The following SLCO4A1 variants were observed in gnomAD, a reference collection of about 807,000 sequenced individuals.
SLCO4A1 encodes solute carrier organic anion transporter family member 4A1, also known as colon organic anion transporter.
SLCO4A1 carries 51 observed loss-of-function variants against 64.6 expected under a neutral mutation model. The observed-to-expected ratio is 0.79, with a 90% confidence interval of 0.63 to 1.00. The LOEUF is 1.00. Ranked by LOEUF, SLCO4A1 falls within the 50% of genes least tolerant of loss-of-function variation. The pLI, the probability that SLCO4A1 is intolerant of heterozygous loss-of-function variation, is 0.00. For missense variants in SLCO4A1, 919 were observed against 980.5 expected (o/e 0.94, Z 0.84); for synonymous variants, 471 against 444.9 (o/e 1.06, Z -0.74).
At chr20:62,666,702 G>A (rs1986413237) in intron 7 of SLCO4A1, 127 bp downstream of exon 7, 1 of 835,516 alleles carries the variant, frequency 1.2e-6, no homozygotes, top group East Asian at 2.5e-5. Flanking sequence ...CAGGACAGCG[G>A]CAAGGGCAAC....
intron 1 of SLCO4A1, among the ~76,000 whole-genome samples, chr20:62,655,253 TGGGGGCGGCACAGG>T (rs1569125391): frequency 8.9e-5 from 12 of 134,600 alleles, no homozygotes; most frequent in African/African-American, 3.6e-4. Flanking sequence ...CCTCCCAGGG[TGGGGGCGGCACAGG>T]TGTTCTGTAT....
At position 62,685,557 on chromosome 20, in the gene SLCO4A1, C is replaced by T. The variant is rs938419949; in HGVS notation, n.328C>T. 3.0e-5 allele frequency: 17 copies of T among 574,146 alleles called. No individual in the cohort carries two copies. Among genetic ancestry groups the T allele is most frequent in the Admixed American group, 6.3e-5 (1 of 15,774 alleles). The allele number at this position is 574,146 out of a possible 1,614,324, so 35.6% of individuals were successfully genotyped here. ...ATGTGGAGTCTCGGCTTTCTGACAA[C>T]GTCTTCCAGAGCAGGCTTTCTCTAG... On this transcript the variant is annotated non_coding_transcript_exon_variant, in exon 3 of 3. Coordinates refer to the SLCO4A1 transcript ENST00000466818. This position sits in a 1 kb window ranked among gnomAD's most constrained non-coding sequence, Gnocchi z 4.6.
At chr20:62,689,186 T>C (rs1468167267), downstream of SLCO4A1, among the ~76,000 whole-genome samples, 2 of 151,966 alleles carry the variant, frequency 1.3e-5, no homozygotes, top group African/African-American at 4.8e-5. Flanking sequence ...TCCCTGGCTG[T>C]GCCCCGCGCC....
intron 1 of SLCO4A1, among the ~76,000 whole-genome samples, chr20:62,647,762 G>A (rs1036351027): frequency 3.3e-5 from 5 of 152,248 alleles, no homozygotes; most frequent in Non-Finnish European, 5.9e-5. Flanking sequence ...GCCCACACAC[G>A]GGGATACAGG....
At chr20:62,687,359 A>G (rs1437731230), downstream of SLCO4A1, among the ~76,000 whole-genome samples, 1 of 152,150 alleles carries the variant, frequency 6.6e-6, no homozygotes, top group Non-Finnish European at 1.5e-5. Flanking sequence ...GGCCAAGGGC[A>G]TGTGGAGGAA....
At chr20:62,678,699 A>G (rs749806524) in intron 2 of SLCO4A1, among the ~76,000 whole-genome samples, 11 of 151,842 alleles carry the variant, frequency 7.2e-5, no homozygotes, top group Non-Finnish European at 1.5e-4. Flanking sequence ...TGAAAGGATA[A>G]ATAGTCGTAC....
At chr20:62,655,073 CATATTCGGAG>C (rs1983395170) in intron 1 of SLCO4A1, among the ~76,000 whole-genome samples, 1 of 152,220 alleles carries the variant, frequency 6.6e-6, no homozygotes, top group East Asian at 1.9e-4. Flanking sequence ...CAAAAACTGT[CATATTCGGAG>C]GTATTGGGGT....
rs1013847528 is a variant in SLCO4A1 at position 62,645,146 on chromosome 20, C to A, written c.-97+2593C>A. On this transcript the variant is annotated intron_variant, in intron 1 of 11. Transcript: ENST00000217159. The surrounding 1 kb of genome is among the most constrained non-coding windows in gnomAD (Gnocchi z 4.2). ...GAGCTTGCTGAGTGTCAGCTGACTT[C>A]AGGCAGGATCTGGGTCTTGCCCACT... Among the ~76,000 whole-genome samples the A allele has an allele frequency of 6.6e-6, 1 of 152,222 alleles. No homozygotes were observed.
At chr20:62,646,117 G>A (rs1237271632) in intron 1 of SLCO4A1, among the ~76,000 whole-genome samples, 1 of 152,142 alleles carries the variant, frequency 6.6e-6, no homozygotes, top group African/African-American at 2.4e-5. Flanking sequence ...CTCCCCGAGG[G>A]CCCTTCTGGG....
At chr20:62,660,912 G>A (rs918666442) in intron 4 of SLCO4A1, 152 bp from the exon 5 acceptor site, 17 of 621,092 alleles carry the variant, frequency 2.7e-5, no homozygotes, top group African/African-American at 3.7e-5. Flanking sequence ...TTCCAGTGCC[G>A]CCTCCCCGGG....
rs569610539 is a variant in SLCO4A1, at chr20:62,645,438, C to T, written c.-97+2885C>T. On this transcript the variant is annotated intron_variant, in intron 1 of 11. Coordinates refer to ENST00000217159, the MANE Select transcript of SLCO4A1 (RefSeq NM_016354.4). The surrounding 1 kb of genome is among the most constrained non-coding windows in gnomAD (Gnocchi z 4.2). Reference sequence around the variant, plus strand: ...TGGCCCCTGCTGGCCCTTCAGGCTACGGTGAGGGTGAGGGTGCGGGTGAGG... The same window carrying T: ...TGGCCCCTGCTGGCCCTTCAGGCTATGGTGAGGGTGAGGGTGCGGGTGAGG... Among the ~76,000 whole-genome samples, 22 of 149,358 alleles carry T rather than the reference C, an allele frequency of 1.5e-4. No individual in the cohort carries two copies. Among genetic ancestry groups the T allele is most frequent in the Admixed American group, 6.6e-4 (10 of 15,088 alleles).
At chr20:62,680,376 G>C (rs1165598673) in intron 2 of SLCO4A1, among the ~76,000 whole-genome samples, 1 of 152,096 alleles carries the variant, frequency 6.6e-6, no homozygotes, top group East Asian at 1.9e-4. Flanking sequence ...TATTGCACTG[G>C]CTGGAACCTC....
intron 1 of SLCO4A1, among the ~76,000 whole-genome samples, chr20:62,646,095 C>A (rs1981275186): frequency 6.6e-6 from 1 of 152,188 alleles, no homozygotes. Flanking sequence ...CTGCTCCCTG[C>A]AGCCTCTCAA....
At position 62,657,034 on chromosome 20, in the gene SLCO4A1, G is replaced by A. The variant is rs1983869536; in HGVS notation, c.580G>A (p.Ala194Thr). 2 of 1,591,646 alleles carry A rather than the reference G, an allele frequency of 1.3e-6. No individual in the cohort carries two copies. The highest frequency in any genetic ancestry group is 2.7e-5 in the African/African-American group (2 of 74,630). ...SLVFALPHFT[A>T]GRYEVELDAG... Reference sequence around the variant, plus strand: ...GGTGTTCGCGCTGCCCCACTTCACGGCTGGCCGCTATGAGGTGGAGTTGGA... The same window carrying A: ...GGTGTTCGCGCTGCCCCACTTCACGACTGGCCGCTATGAGGTGGAGTTGGA... The change falls in exon 2 of 12, where the codon GCT becomes ACT. Residue 194 changes from alanine to threonine, a missense_variant. Physicochemically the swap from Ala to Thr is moderately conservative, Grantham distance 58 (BLOSUM62 0). Transcript: ENST00000217159.
At chr20:62,679,503 A>G (rs1249360423) in intron 2 of SLCO4A1, among the ~76,000 whole-genome samples, 3 of 152,110 alleles carry the variant, frequency 2.0e-5, no homozygotes, top group Non-Finnish European at 2.9e-5. Context: ...CTGGAAGTAC[A>G]GGCACATAAC....
intron 2 of SLCO4A1, among the ~76,000 whole-genome samples, chr20:62,679,936 A>C (rs1388752831): frequency 1.3e-5 from 2 of 152,184 alleles, no homozygotes; most frequent in African/African-American, 4.8e-5. Flanking sequence ...TCTTGAGGGT[A>C]TACCTTAAAG....
Position 62,661,879 on chromosome 20 carries a change from C to T in SLCO4A1, c.1121+704C>T, listed in dbSNP as rs919630956. ...GTCCTAGAGGGACAACAGAGGGGCC[C>T]GGGCCCTCCCGGCCTCTCCTGGGGA... On this transcript the variant is annotated intron_variant, in intron 5 of 11. Coordinates refer to ENST00000217159, the MANE Select transcript of SLCO4A1 (RefSeq NM_016354.4). This position sits in a 1 kb window ranked among gnomAD's most constrained non-coding sequence, Gnocchi z 5.2. Among the ~76,000 whole-genome samples, 2 of 151,942 alleles carry T rather than the reference C, an allele frequency of 1.3e-5. No homozygotes were observed. Among genetic ancestry groups the T allele is most frequent in the Non-Finnish European group, 2.9e-5 (2 of 67,942 alleles).
At position 62,661,315 on chromosome 20, in the gene SLCO4A1, T is replaced by A; in HGVS notation, c.1121+140T>A. ...CTGTCGTGACCCTGGGCCAAGAGAT[T>A]AAGGAGCAACAGATAGAGCCTCTGG... On this transcript the variant is annotated intron_variant, in intron 5 of 11. Coordinates refer to ENST00000217159, the MANE Select transcript of SLCO4A1 (RefSeq NM_016354.4). This position sits in a 1 kb window ranked among gnomAD's most constrained non-coding sequence, Gnocchi z 5.2. 1 of 647,378 alleles carries A rather than the reference T, an allele frequency of 1.5e-6. No individual in the cohort carries two copies. 40.1% of individuals were successfully genotyped at this position (647,378 alleles called of 1,614,324 possible).
At chr20:62,648,306 AGGCTCCGCCTCAGATGTTCTCCCAT>A (rs1047722670) in intron 1 of SLCO4A1, among the ~76,000 whole-genome samples, 1 of 152,208 alleles carries the variant, frequency 6.6e-6, no homozygotes, top group Non-Finnish European at 1.5e-5. Flanking sequence ...GAGCCACCTA[AGGCTCCGCCTCAGATGTTCTCCCAT>A]GGACAGAGGC....
Sources: gnomAD v4.1 joint callset for allele counts (sites outside exome capture counted in the v4.1 genomes callset) on GRCh38, gnomAD v4.1.1 for gene constraint, Gnocchi (gnomAD v3.1) non-coding constraint, MANE v1.5 for transcripts, NCBI Gene and HGNC (gene_info 2026-07-23, HGNC 2026-07-21) for gene names.